The following TMEM164 variants were observed in gnomAD, a reference collection of about 807,000 sequenced individuals.
The protein encoded by TMEM164 is RP13-360B22.2.
In TMEM164, 4 loss-of-function variants were observed where a neutral mutation model predicts 18.8. The ratio of observed to expected loss-of-function variants is 0.21; its 90% CI spans 0.10 to 0.49. The LOEUF is 0.49. TMEM164 is among the 20% of genes least tolerant of loss of function. The pLI is 0.98. For missense variants in TMEM164, 108 were observed against 239.9 expected (o/e 0.45, Z 3.63); for synonymous variants, 86 against 101.7 (o/e 0.85, Z 0.93).
intron 4 of TMEM164, among the ~76,000 whole-genome samples, chrX:110,110,164 C>T (rs1049170953): frequency 9.0e-6 from 1 of 111,096 alleles, no homozygotes; most frequent in Non-Finnish European, 1.9e-5. Context: ...CCTCTTGATC[C>T]TAAGATCACA....
chrX:110,098,444 A>G (rs754976105), intron 3 of TMEM164, among the ~76,000 whole-genome samples: 3 of 111,130 alleles, frequency 2.7e-5, no homozygotes, highest in African/African-American at 9.8e-5. Context: ...ATTGAGTTGT[A>G]GGGTGAGTAC....
In TMEM164 at chrX:110,049,713, C is replaced by G. The variant is rs192684265; in HGVS notation, c.391-17634C>G. On this transcript the variant is annotated intron_variant, in intron 2 of 6. Transcript: ENST00000372068. ...GGAGGAAGACCCATCTGATGACATG[C>G]AAGGAGGAAATATCTGTAGACCCCT... Among the ~76,000 whole-genome samples the G allele has an allele frequency of 4.5e-5, 5 of 111,530 alleles. No individual in the cohort carries two copies. In the East Asian group the frequency reaches 1.1e-3, roughly 25 times the overall value.
chrX:110,180,074 A>G (rs967720280), downstream of TMEM164, among the ~76,000 whole-genome samples: 1 of 112,159 alleles, frequency 8.9e-6, no homozygotes, highest in Non-Finnish European at 1.9e-5. Context: ...CAGTATTGTG[A>G]GGGAAAAGCA....
At chrX:110,014,851 G>A (rs927015398) in intron 2 of TMEM164, among the ~76,000 whole-genome samples, 3 of 106,376 alleles carry the variant, frequency 2.8e-5, no homozygotes, top group African/African-American at 1.0e-4. Context: ...ACTGTTGGAA[G>A]AGAAAGGGCC....
chrX:110,051,267 G>T (rs1018450504), intron 2 of TMEM164, among the ~76,000 whole-genome samples: 12 of 111,914 alleles, frequency 1.1e-4, no homozygotes, highest in African/African-American at 3.6e-4. Context: ...AAATACTGAT[G>T]CCCAGGCCCC....
At chrX:110,014,724 GT>G (rs1266179129) in intron 2 of TMEM164, among the ~76,000 whole-genome samples, 17 of 87,892 alleles carry the variant, frequency 1.9e-4, no homozygotes, top group African/African-American at 1.7e-4. Context: ...TGGTGAATGG[GT>G]TTTTTTTTTT....
At chrX:110,052,572 T>A (rs1935607346) in intron 2 of TMEM164, among the ~76,000 whole-genome samples, 1 of 111,604 alleles carries the variant, frequency 9.0e-6, no homozygotes, top group African/African-American at 3.3e-5. Context: ...ATCTCATATG[T>A]TCCAGGCACT....
At chrX:110,008,093 A>G (rs1265387607) in intron 2 of TMEM164, among the ~76,000 whole-genome samples, 1 of 112,010 alleles carries the variant, frequency 8.9e-6, no homozygotes, top group Non-Finnish European at 1.9e-5. Context: ...TCTTTACAAT[A>G]TATTAGAAAT....
intron 4 of TMEM164, among the ~76,000 whole-genome samples, chrX:110,143,685 A>G (rs928170808): frequency 9.1e-6 from 1 of 109,878 alleles, no homozygotes; most frequent in Non-Finnish European, 1.9e-5. Context: ...GTGGCTGGGG[A>G]GCCTGTAACT....
chrX:110,097,484 T>G (rs2066039902), intron 3 of TMEM164, among the ~76,000 whole-genome samples: 1 of 112,661 alleles, frequency 8.9e-6, no homozygotes, highest in Non-Finnish European at 1.9e-5. Flanking sequence ...AAATGTAATT[T>G]GCCTAATAAT....
intron 2 of TMEM164, among the ~76,000 whole-genome samples, chrX:110,054,771 C>T (rs1379434630): frequency 2.7e-5 from 3 of 111,678 alleles, no homozygotes; most frequent in Non-Finnish European, 5.6e-5. Flanking sequence ...ATCAGCTTAC[C>T]CAGGGCTGTT....
intron 3 of TMEM164, 44 bp from the exon 4 acceptor site, chrX:110,109,036 C>T: frequency 8.6e-7 from 1 of 1,156,110 alleles, no homozygotes; most frequent in Non-Finnish European, 1.2e-6. Context: ...CCCTTTGTAT[C>T]AGGGTCTGAG....
chrX:110,041,857 A>T (rs73250278), intron 2 of TMEM164, among the ~76,000 whole-genome samples: 6,653 of 111,157 alleles, frequency 0.06, 213 homozygotes, highest in Middle Eastern at 0.12. Flanking sequence ...TCCAGTCAAG[A>T]TAGAGAATAT....
intron 3 of TMEM164, among the ~76,000 whole-genome samples, chrX:110,077,272 C>T (rs1013591764): frequency 9.0e-6 from 1 of 111,370 alleles, no homozygotes; most frequent in Non-Finnish European, 1.9e-5. Flanking sequence ...TAAGAATTAT[C>T]GACCCCTGTT....
At chrX:110,180,989 A>G (rs902889469), downstream of TMEM164, among the ~76,000 whole-genome samples, 3 of 111,730 alleles carry the variant, frequency 2.7e-5, no homozygotes, top group Admixed American at 9.5e-5. Flanking sequence ...CTGTCCCCTG[A>G]GAACAGAGGG....
At chrX:110,066,263 A>G (rs1936339219) in intron 2 of TMEM164, among the ~76,000 whole-genome samples, 1 of 112,028 alleles carries the variant, frequency 8.9e-6, no homozygotes, top group South Asian at 3.8e-4. Flanking sequence ...CAACAAGTCC[A>G]TAATGCAGAT....
At chrX:110,115,089 T>A (rs910998586) in intron 4 of TMEM164, among the ~76,000 whole-genome samples, 1 of 111,751 alleles carries the variant, frequency 8.9e-6, no homozygotes, top group South Asian at 3.8e-4. Flanking sequence ...ACAAACACTA[T>A]ATTGATGTTC....
At chrX:110,071,935 T>C (rs893473702) in intron 3 of TMEM164, among the ~76,000 whole-genome samples, 1 of 109,497 alleles carries the variant, frequency 9.1e-6, no homozygotes, top group Admixed American at 9.8e-5. Context: ...AAAGTTATGG[T>C]GGCTATGTAA....
intron 4 of TMEM164, among the ~76,000 whole-genome samples, chrX:110,130,198 A>G (rs1339752222): frequency 8.9e-6 from 1 of 111,923 alleles, no homozygotes; most frequent in Admixed American, 9.5e-5. Context: ...CAGGAGGTCA[A>G]ACCATCATGT....
Sources: allele counts gnomAD v4.1 joint callset (sites outside exome capture counted in the v4.1 genomes callset), GRCh38; gene constraint gnomAD v4.1.1; transcripts MANE v1.5; gene names NCBI Gene and HGNC (gene_info 2026-07-23, HGNC 2026-07-21).